FCRL1: variants seen among roughly 807,000 people sequenced by gnomAD.
FCRL1 encodes the protein Fc receptor-like protein 1.
In FCRL1, 34 loss-of-function variants were observed where a neutral mutation model predicts 49.2. The observed-to-expected ratio is 0.69, with a 90% CI of 0.53 to 0.92. FCRL1 has a LOEUF of 0.92. FCRL1 is among the 40% of genes least tolerant of loss of function. FCRL1 has a pLI of 0.00. For missense variants in FCRL1, 524 were observed against 524.1 expected (o/e 1.00, Z 0.00); for synonymous variants, 218 against 201.6 (o/e 1.08, Z -0.69).
intron 1 of FCRL1, among the ~76,000 whole-genome samples, chr1:157,809,316 A>G (rs1571391327): frequency 6.6e-6 from 1 of 152,098 alleles, no homozygotes; most frequent in Non-Finnish European, 1.5e-5. Context: ...AACACTTTGG[A>G]AGGCTGAGGT....
At chr1:157,796,973 T>A in intron 10 of FCRL1, 128 bp downstream of exon 10, 1 of 826,464 alleles carries the variant, frequency 1.2e-6, no homozygotes, top group East Asian at 2.5e-5. Context: ...CTCCATTGCT[T>A]TGGGATGTAG....
In FCRL1 at chr1:157,804,258, G is replaced by A. The variant is rs1263354068; in HGVS notation, c.53-147C>T. On this transcript the variant is annotated intron_variant, in intron 2 of 10. Transcript: ENST00000368176. ...CCTACATGTCTCCACCCCCCCCCCA[G>A]TGGCCCATGGGCTTTCCTTTGCCAT... 2.0e-5 allele frequency: 16 copies of A among 815,640 alleles called. No homozygotes were observed. The Admixed American group carries it at 4.1e-4, about 21-fold the overall frequency. 50.5% of individuals were successfully genotyped at this position (815,640 alleles called of 1,614,324 possible).
chr1:157,801,626 CT>C, intron 5 of FCRL1, 49 bp from the exon 6 acceptor site: 1 of 1,329,000 alleles, frequency 7.5e-7, no homozygotes, highest in Non-Finnish European at 1.1e-6. Flanking sequence ...GGGCTTGGGG[CT>C]TAGAGAGCAG....
chr1:157,799,756 C>T (rs781711461), intron 7 of FCRL1, among the ~76,000 whole-genome samples: 16 of 151,428 alleles, frequency 1.1e-4, no homozygotes, highest in Non-Finnish European at 1.5e-4. Flanking sequence ...CAAACCTGCA[C>T]GTTGTGCACA....
At chr1:157,800,232 C>A (rs1652221323) in intron 6 of FCRL1, 147 bp from the exon 7 acceptor site, 3 of 563,492 alleles carry the variant, frequency 5.3e-6, no homozygotes, top group Non-Finnish European at 9.1e-6. Flanking sequence ...GACATCCTGG[C>A]AATCATTTAC....
chr1:157,817,520 A>G (rs1020724526), intron 1 of FCRL1, among the ~76,000 whole-genome samples: 6 of 152,172 alleles, frequency 3.9e-5, no homozygotes, highest in Non-Finnish European at 8.8e-5. Flanking sequence ...ATAGACAAAA[A>G]TCAACTCAAA....
intron 1 of FCRL1, among the ~76,000 whole-genome samples, chr1:157,819,298 A>T (rs1295024294): frequency 9.0e-5 from 5 of 55,600 alleles, no homozygotes; most frequent in African/African-American, 1.9e-4. Context: ...TTGTGCATTT[A>T]AAAAAAAATC....
At chr1:157,796,250 A>G in intron 10 of FCRL1, 80 bp from the exon 11 acceptor site, 1 of 1,141,342 alleles carries the variant, frequency 8.8e-7, no homozygotes, top group Non-Finnish European at 1.3e-6. Context: ...GTTAGCTTGG[A>G]TGCATCTTAT....
chr1:157,801,456 C>T lies in FCRL1; in HGVS notation c.1003+5G>A. ...AACAAAATGCCACTCTCTTTAAATA[C>T]TAACCTATTTTTCTTTTGAGGCCGT... On this transcript the variant is annotated splice_donor_5th_base_variant and intron_variant, in intron 6 of 10. Transcript: ENST00000368176. 2 of 1,575,164 alleles carry T rather than the reference C, an allele frequency of 1.3e-6. No homozygotes were observed. The highest frequency in any genetic ancestry group is 1.7e-6 in the Non-Finnish European group (2 of 1,145,274).
chr1:157,800,849 A>T (rs1365746463), intron 6 of FCRL1, among the ~76,000 whole-genome samples: 1 of 151,704 alleles, frequency 6.6e-6, no homozygotes, highest in African/African-American at 2.4e-5. Flanking sequence ...TGGAACTGCT[A>T]ACAGTATTTC....
At position 157,797,096 on chromosome 1, in the gene FCRL1, C is replaced by G; in HGVS notation, c.1218+5G>C. 2 of 1,613,696 alleles carry G rather than the reference C, an allele frequency of 1.2e-6. No individual in the cohort carries two copies. The highest frequency in any genetic ancestry group is 1.7e-6 in the Non-Finnish European group (2 of 1,179,648). ...CATGGAAGAAAGAACAATAGAGACT[C>G]TTACCTTGTCCTCCATATGTGTCCC... On this transcript the variant is annotated splice_donor_5th_base_variant and intron_variant, in intron 10 of 10. Coordinates refer to ENST00000368176, the MANE Select transcript of FCRL1 (RefSeq NM_052938.5).
intron 1 of FCRL1, 81 bp downstream of exon 1, chr1:157,819,925 CT>C: frequency 3.2e-6 from 5 of 1,540,248 alleles, no homozygotes; most frequent in Non-Finnish European, 4.5e-6. Flanking sequence ...AACCTTAGTC[CT>C]AAGAAGTCCT....
intron 9 of FCRL1, 180 bp downstream of exon 9, chr1:157,797,688 T>C: frequency 6.8e-7 from 1 of 1,476,794 alleles, no homozygotes; most frequent in East Asian, 2.5e-5. Context: ...AACCTTAGCA[T>C]TAGCTCTGGG....
rs1651740475 is a variant in FCRL1, at chr1:157,797,669, G to A, written c.1186+199C>T. ...GAAATTTGACAGCCCATCCCCAGGG[G>A]AAAGAAAGAACCTTAGCATTAGCTC... On this transcript the variant is annotated intron_variant, in intron 9 of 10. Transcript: ENST00000368176. The A allele has an allele frequency of 3.6e-6, 5 of 1,391,444 alleles. No homozygotes were observed. In the Admixed American group the frequency reaches 1.0e-4, roughly 28 times the overall value. The allele number at this position is 1,391,444 out of a possible 1,614,324, so 86.2% of individuals were successfully genotyped here.
intron 10 of FCRL1, among the ~76,000 whole-genome samples, chr1:157,796,883 T>C (rs1223282016): frequency 6.6e-6 from 1 of 152,250 alleles, no homozygotes; most frequent in Non-Finnish European, 1.5e-5. Flanking sequence ...CATGTGTCCA[T>C]TGCTAAAGTA....
At chr1:157,804,992 T>C (rs1653189466) in intron 2 of FCRL1, among the ~76,000 whole-genome samples, 1 of 152,114 alleles carries the variant, frequency 6.6e-6, no homozygotes, top group African/African-American at 2.4e-5. Flanking sequence ...CTCAAGTAGC[T>C]GGGACTACAG....
In FCRL1 at chr1:157,797,145, G is replaced by T; in HGVS notation, c.1187-13C>A. ...CCCAGGGTTTCTGCTGTGGAGAAAA[G>T]ACAAGTGCTGTGACATTCCACTTAT... On this transcript the variant is annotated splice_polypyrimidine_tract_variant and intron_variant, in intron 9 of 10. Transcript: ENST00000368176. 6.2e-7 allele frequency: 1 copy of T among 1,613,430 alleles called. No homozygotes were observed. Among genetic ancestry groups the T allele is most frequent in the Non-Finnish European group, 8.5e-7 (1 of 1,179,360 alleles).
At position 157,794,549 on chromosome 1, in the gene FCRL1, G is replaced by A. The variant is rs1389652485; in HGVS notation, c.*1550C>T. 1 of 152,250 alleles carries A rather than the reference G, an allele frequency of 6.6e-6. No homozygotes were observed. Among genetic ancestry groups the A allele is most frequent in the South Asian group, 2.1e-4 (1 of 4,816 alleles). The allele number at this position is 152,250 out of a possible 1,614,324, so 9.4% of individuals were successfully genotyped here. On this transcript the variant is annotated 3_prime_UTR_variant, in exon 11 of 11. Coordinates refer to ENST00000368176, the MANE Select transcript of FCRL1 (RefSeq NM_052938.5). Reference sequence around the variant, plus strand: ...AGAGACATTGAAGACTATTTAACAAGAATATTTAATATGCATAATCTAGCA... The same window carrying A: ...AGAGACATTGAAGACTATTTAACAAAAATATTTAATATGCATAATCTAGCA...
At chr1:157,807,870 T>C (rs548826395) in intron 1 of FCRL1, among the ~76,000 whole-genome samples, 1 of 152,336 alleles carries the variant, frequency 6.6e-6, no homozygotes, top group South Asian at 2.1e-4. Context: ...TGTGCTTTAG[T>C]TTCCTTGTCG....
Sources: allele counts gnomAD v4.1 joint callset (sites outside exome capture counted in the v4.1 genomes callset), GRCh38; gene constraint gnomAD v4.1.1; transcripts MANE v1.5; gene names NCBI Gene and HGNC (gene_info 2026-07-23, HGNC 2026-07-21).